ELOVL5: variants seen among roughly 807,000 people sequenced by gnomAD.
ELOVL5 encodes very long chain fatty acid elongase 5.
In ELOVL5, 8 loss-of-function variants were observed where a neutral mutation model predicts 38.6. The ratio of observed to expected loss-of-function variants is 0.21; its 90% CI spans 0.12 to 0.37. The LOEUF is 0.37. ELOVL5 is among the 10% of genes least tolerant of loss of function. The pLI, the probability that ELOVL5 is intolerant of heterozygous loss-of-function variation, is 1.00. For missense variants in ELOVL5, 280 were observed against 367.8 expected (o/e 0.76, Z 1.95); for synonymous variants, 127 against 133.7 (o/e 0.95, Z 0.34).
chr6:53,300,089 C>T (rs1188333892), intron 1 of ELOVL5, among the ~76,000 whole-genome samples: 1 of 152,018 alleles, frequency 6.6e-6, no homozygotes, highest in Non-Finnish European at 1.5e-5. Flanking sequence ...GCTGTGGATC[C>T]CAAGCTTGAT....
chr6:53,276,145 TATA>T (rs138885106), intron 4 of ELOVL5, 31 bp downstream of exon 4: 1 of 1,459,272 alleles, frequency 6.9e-7, no homozygotes, highest in Non-Finnish European at 9.6e-7. Flanking sequence ...ACTCAACACT[TATA>T]ATAATAAAGT....
chr6:53,272,943 CT>C (rs1320025107), intron 6 of ELOVL5, among the ~76,000 whole-genome samples: 4 of 152,258 alleles, frequency 2.6e-5, no homozygotes, highest in African/African-American at 9.6e-5. Context: ...TGCATATGTG[CT>C]TATGTGCAAA....
intron 3 of ELOVL5, among the ~76,000 whole-genome samples, chr6:53,284,891 C>T (rs1408140799): frequency 1.3e-5 from 2 of 152,150 alleles, no homozygotes; most frequent in Non-Finnish European, 2.9e-5. Flanking sequence ...ATGAACCACA[C>T]CTATATAAGA....
chr6:53,339,766 T>C (rs1274032557), intron 1 of ELOVL5, among the ~76,000 whole-genome samples: 1 of 152,258 alleles, frequency 6.6e-6, no homozygotes, highest in African/African-American at 2.4e-5. Context: ...CATTGGTTTA[T>C]GTATTTGGTA....
intron 1 of ELOVL5, among the ~76,000 whole-genome samples, chr6:53,339,929 T>C (rs209513): frequency 0.94 from 143,400 of 152,300 alleles, 67,600 homozygotes; most frequent in East Asian, 1. Flanking sequence ...GTGTTACTGC[T>C]CCTACAGACC....
chr6:53,292,354 CTG>C (rs1194300259), intron 2 of ELOVL5, among the ~76,000 whole-genome samples: 1 of 152,224 alleles, frequency 6.6e-6, no homozygotes, highest in African/African-American at 2.4e-5. Flanking sequence ...TCCATCTCAG[CTG>C]TGTGTCAGTC....
chr6:53,346,164 T>G (rs1348639868), intron 1 of ELOVL5, among the ~76,000 whole-genome samples: 1 of 152,176 alleles, frequency 6.6e-6, no homozygotes, highest in Admixed American at 6.5e-5. Context: ...ATGCAGTGTT[T>G]GGTTTTCTGT....
chr6:53,341,139 C>G (rs1769306763), intron 1 of ELOVL5, among the ~76,000 whole-genome samples: 1 of 152,006 alleles, frequency 6.6e-6, no homozygotes, highest in South Asian at 2.1e-4. Context: ...TGATTTTCCC[C>G]AAAAAAGAGG....
intron 2 of ELOVL5, chr6:53,294,582 T>C: frequency 7.1e-7 from 1 of 1,400,622 alleles, no homozygotes; most frequent in East Asian, 2.5e-5. Flanking sequence ...CTCCACCTGG[T>C]AATGCAAGCT....
At chr6:53,305,387 C>A (rs1268661216) in intron 1 of ELOVL5, among the ~76,000 whole-genome samples, 8 of 126,948 alleles carry the variant, frequency 6.3e-5, no homozygotes, top group Non-Finnish European at 8.1e-5. Context: ...CTGACCCCCC[C>A]CCACCTCCCT....
chr6:53,291,638 C>T (rs1766777708), intron 3 of ELOVL5, 138 bp downstream of exon 3: 1 of 546,050 alleles, frequency 1.8e-6, no homozygotes, highest in East Asian at 3.1e-5. Flanking sequence ...AAAACACACT[C>T]ATAACGCATT....
intron 1 of ELOVL5, among the ~76,000 whole-genome samples, chr6:53,342,025 T>C (rs1357160669): frequency 1.3e-5 from 2 of 152,184 alleles, no homozygotes; most frequent in African/African-American, 2.4e-5. Context: ...CAACCCAATC[T>C]GCTTCCCACA....
intron 3 of ELOVL5, chr6:53,276,907 C>T (rs1766157599): frequency 6.6e-6 from 1 of 151,484 alleles, no homozygotes; most frequent in South Asian, 2.1e-4. Context: ...AAACTGAAGG[C>T]TTCACAAGTG....
At chr6:53,289,484 C>A in intron 3 of ELOVL5, among the ~76,000 whole-genome samples, 1 of 152,210 alleles carries the variant, frequency 6.6e-6, no homozygotes, top group Admixed American at 6.5e-5. Context: ...TTTGGGAGGC[C>A]GAGGCGGGTG....
At chr6:53,308,323 ATC>A (rs1304464611) in intron 1 of ELOVL5, among the ~76,000 whole-genome samples, 1 of 152,166 alleles carries the variant, frequency 6.6e-6, no homozygotes, top group African/African-American at 2.4e-5. Context: ...TACTGTAATT[ATC>A]TGTTTATCTG....
intron 1 of ELOVL5, among the ~76,000 whole-genome samples, chr6:53,323,071 A>C (rs1283753407): frequency 6.6e-6 from 1 of 152,188 alleles, no homozygotes; most frequent in Non-Finnish European, 1.5e-5. Context: ...CCGAGCCTGC[A>C]CTTGTTGGAA....
chr6:53,276,384 A>G, intron 3 of ELOVL5, 128 bp from the exon 4 acceptor site: 1 of 644,768 alleles, frequency 1.6e-6, no homozygotes, highest in Non-Finnish European at 2.8e-6. Flanking sequence ...GCTCTGAGAA[A>G]AAACAATTGT....
intron 1 of ELOVL5, among the ~76,000 whole-genome samples, chr6:53,317,895 A>AT (rs1249596073): frequency 3.9e-5 from 6 of 152,016 alleles, no homozygotes; most frequent in Admixed American, 2.0e-4. Flanking sequence ...CAAATGATGG[A>AT]TTTTTCCCCC....
At chr6:53,319,643 CTTGA>C (rs1260812503) in intron 1 of ELOVL5, among the ~76,000 whole-genome samples, 1 of 152,168 alleles carries the variant, frequency 6.6e-6, no homozygotes, top group Non-Finnish European at 1.5e-5. Flanking sequence ...CTATTTCCTT[CTTGA>C]TTGGTCCCAA....
Sources: gnomAD v4.1 joint callset for allele counts (sites outside exome capture counted in the v4.1 genomes callset) on GRCh38, gnomAD v4.1.1 for gene constraint, MANE v1.5 for transcripts, NCBI Gene and HGNC (gene_info 2026-07-23, HGNC 2026-07-21) for gene names.